Variants in CNTNAP5 observed in about 807,000 individuals in gnomAD.
CNTNAP5 encodes the protein contactin associated protein family member 5, also known as contactin-associated protein-like 5.
Under a neutral mutation model 150.2 loss-of-function variants are expected in CNTNAP5, and 72 were observed. The ratio of observed to expected loss-of-function variants is 0.48; its 90% CI spans 0.40 to 0.58. CNTNAP5 has a LOEUF of 0.58. Among genes scored for constraint, CNTNAP5 ranks in the 20% least tolerant of loss-of-function variants. CNTNAP5 has a pLI of 0.00. For synonymous variants in CNTNAP5, 672 were observed against 619.8 expected, an observed-to-expected ratio of 1.08 and a Z score of -1.25; for missense variants, 1,636 against 1,626.2, an observed-to-expected ratio of 1.01 and a Z score of -0.10.
chr2:124,557,227 T>C (rs1320849201), intron 10 of CNTNAP5, among the ~76,000 whole-genome samples: 1 of 152,132 alleles, frequency 6.6e-6, no homozygotes, highest in Admixed American at 6.5e-5. Context: ...TCTATCTTAC[T>C]TCTCCACTCA....
chr2:124,825,422 A>G (rs1004418710), intron 19 of CNTNAP5, among the ~76,000 whole-genome samples: 1 of 152,204 alleles, frequency 6.6e-6, no homozygotes, highest in Non-Finnish European at 1.5e-5. Context: ...ACTCTCCCTC[A>G]AGAAGGTCCC....
At chr2:124,599,014 C>G (rs529480471) in intron 11 of CNTNAP5, among the ~76,000 whole-genome samples, 1 of 152,072 alleles carries the variant, frequency 6.6e-6, no homozygotes, top group African/African-American at 2.4e-5. Context: ...ACGCACGGTG[C>G]GCACACCCAC....
intron 3 of CNTNAP5, among the ~76,000 whole-genome samples, chr2:124,326,972 C>CTTT (rs1192969997): frequency 2.5e-4 from 17 of 68,534 alleles, no homozygotes; most frequent in African/African-American, 3.5e-4. Flanking sequence ...TAGATCCTGA[C>CTTT]TTTTTTTTTT....
intron 1 of CNTNAP5, among the ~76,000 whole-genome samples, chr2:124,132,994 A>C (rs932456148): frequency 1.3e-5 from 2 of 152,186 alleles, no homozygotes; most frequent in Non-Finnish European, 2.9e-5. Flanking sequence ...CAATACTAAT[A>C]ACCACAATAA....
intron 1 of CNTNAP5, among the ~76,000 whole-genome samples, chr2:124,207,070 C>T (rs1685884101): frequency 6.6e-6 from 1 of 152,168 alleles, no homozygotes; most frequent in Non-Finnish European, 1.5e-5. Flanking sequence ...TGAATTTATT[C>T]CCAAGTTAAA....
At chr2:124,678,527 T>C (rs538074037) in intron 13 of CNTNAP5, among the ~76,000 whole-genome samples, 1 of 151,724 alleles carries the variant, frequency 6.6e-6, no homozygotes, top group Non-Finnish European at 1.5e-5. Flanking sequence ...AATTCCAGAA[T>C]GTGAGGGTTT....
chr2:124,223,028 T>C (rs1397765111), intron 2 of CNTNAP5, among the ~76,000 whole-genome samples: 1 of 152,170 alleles, frequency 6.6e-6, no homozygotes, highest in Non-Finnish European at 1.5e-5. Context: ...TGCTGAATAT[T>C]CTGTGCCAAA....
chr2:124,763,258 A>C (rs1472809768), intron 14 of CNTNAP5, among the ~76,000 whole-genome samples: 1 of 152,160 alleles, frequency 6.6e-6, no homozygotes, highest in Non-Finnish European at 1.5e-5. Context: ...GGCTGAAACA[A>C]GTCCTTGGAG....
chr2:124,744,417 C>T (rs188721633), intron 13 of CNTNAP5, among the ~76,000 whole-genome samples: 3 of 152,206 alleles, frequency 2.0e-5, no homozygotes, highest in African/African-American at 7.2e-5. Context: ...TTATCAGCAG[C>T]ATGAAAATGC....
At position 124,551,904 on chromosome 2, in the gene CNTNAP5, G is replaced by A. The variant is rs528092534; in HGVS notation, c.1650-11313G>A. On this transcript the variant is annotated intron_variant, in intron 10 of 23. Coordinates refer to ENST00000682447, the MANE Select transcript of CNTNAP5 (RefSeq NM_001367498.1). ...TTTTTAATGCTCTTATCTTTTAAGC[G>A]ATGATTTTCTCAAGATGTGTTCAGG... Among the ~76,000 whole-genome samples, 94 of 152,182 alleles carry A rather than the reference G, an allele frequency of 6.2e-4. 2 individuals are homozygous for A. Among genetic ancestry groups the A allele is most frequent in the African/African-American group, 2.2e-3 (90 of 41,540 alleles).
intron 10 of CNTNAP5, among the ~76,000 whole-genome samples, chr2:124,560,872 T>C (rs1355580013): frequency 6.6e-6 from 1 of 152,066 alleles, no homozygotes; most frequent in Non-Finnish European, 1.5e-5. Flanking sequence ...TTTTCTTGTG[T>C]CTCAAAACTT....
chr2:124,218,327 G>A (rs1185743203), intron 1 of CNTNAP5, among the ~76,000 whole-genome samples: 1 of 152,140 alleles, frequency 6.6e-6, no homozygotes, highest in East Asian at 1.9e-4. Flanking sequence ...TAAGAGACTT[G>A]CTCTCTCTTC....
intron 3 of CNTNAP5, among the ~76,000 whole-genome samples, chr2:124,285,629 A>T: frequency 6.6e-6 from 1 of 150,956 alleles, no homozygotes; most frequent in East Asian, 2.0e-4. Flanking sequence ...GAAAAACCCC[A>T]TCCTCTGCAA....
intron 13 of CNTNAP5, among the ~76,000 whole-genome samples, chr2:124,702,619 A>C (rs1200444508): frequency 1.3e-5 from 2 of 151,970 alleles, no homozygotes; most frequent in African/African-American, 4.8e-5. Context: ...TCTAAAGAGA[A>C]AGTTCAGCAG....
At chr2:124,808,966 C>T (rs540126414) in intron 19 of CNTNAP5, among the ~76,000 whole-genome samples, 7 of 151,636 alleles carry the variant, frequency 4.6e-5, no homozygotes, top group African/African-American at 1.7e-4. Flanking sequence ...TCCCAGAGCT[C>T]TTATGGTAAG....
At chr2:124,878,645 C>A (rs1049231118) in intron 21 of CNTNAP5, among the ~76,000 whole-genome samples, 5 of 151,648 alleles carry the variant, frequency 3.3e-5, no homozygotes, top group Non-Finnish European at 7.4e-5. Context: ...GATTGGTAAA[C>A]AGTGGAGGTG....
intron 3 of CNTNAP5, among the ~76,000 whole-genome samples, chr2:124,412,271 G>T (rs1016450576): frequency 6.0e-5 from 9 of 149,954 alleles, no homozygotes; most frequent in African/African-American, 1.9e-4. Context: ...TCATGGGTAG[G>T]AAGAATCAAT....
At chr2:124,213,345 A>G (rs1287481673) in intron 1 of CNTNAP5, among the ~76,000 whole-genome samples, 1 of 152,230 alleles carries the variant, frequency 6.6e-6, no homozygotes, top group African/African-American at 2.4e-5. Flanking sequence ...ATCATAACAT[A>G]ATATTTGGAT....
chr2:124,099,978 A>G (rs1415075912), intron 1 of CNTNAP5, among the ~76,000 whole-genome samples: 1 of 152,226 alleles, frequency 6.6e-6, no homozygotes, highest in African/African-American at 2.4e-5. Flanking sequence ...AGGTGGGGAC[A>G]TAGATCCAAA....
Sources: gnomAD v4.1 joint callset for allele counts (sites outside exome capture counted in the v4.1 genomes callset) on GRCh38, gnomAD v4.1.1 for gene constraint, MANE v1.5 for transcripts, NCBI Gene and HGNC (gene_info 2026-07-23, HGNC 2026-07-21) for gene names.